DUSP16: variants seen among roughly 807,000 people sequenced by gnomAD.
DUSP16 encodes dual specificity protein phosphatase 16.
DUSP16 carries 21 observed loss-of-function variants against 58.3 expected under a neutral mutation model. That is an observed-to-expected ratio of 0.36 (90% CI 0.26 to 0.52). The LOEUF (loss-of-function observed/expected upper bound fraction) is 0.52. Ranked by LOEUF, DUSP16 falls within the 20% of genes least tolerant of loss-of-function variation. DUSP16 has a pLI of 0.94. For missense variants in DUSP16, 726 were observed against 819.0 expected, an observed-to-expected ratio of 0.89 and a Z score of 1.39; for synonymous variants, 320 against 323.8, an observed-to-expected ratio of 0.99 and a Z score of 0.12.
At chr12:12,542,356 A>G (rs1308327025) in intron 1 of DUSP16, among the ~76,000 whole-genome samples, 2 of 149,300 alleles carry the variant, frequency 1.3e-5, no homozygotes, top group African/African-American at 4.9e-5. Flanking sequence ...CTGGGCAACA[A>G]GAGCGAAACT....
chr12:12,478,265 CCTT>C (rs1943497007), intron 6 of DUSP16, among the ~76,000 whole-genome samples: 2 of 151,938 alleles, frequency 1.3e-5, no homozygotes, highest in African/African-American at 4.8e-5. Context: ...GTTTTTGTCT[CCTT>C]ATTTTCAAAG....
intron 1 of DUSP16, among the ~76,000 whole-genome samples, chr12:12,526,432 C>CGGTG (rs1375730887): frequency 2.6e-5 from 4 of 152,134 alleles, no homozygotes; most frequent in African/African-American, 9.7e-5. Flanking sequence ...TGCACAAATA[C>CGGTG]GGTGTATCAA....
chr12:12,490,821 C>T (rs1943751424), intron 4 of DUSP16, among the ~76,000 whole-genome samples: 1 of 152,178 alleles, frequency 6.6e-6, no homozygotes, highest in South Asian at 2.1e-4. Context: ...ATATATATGG[C>T]AATCTGTCTT....
At chr12:12,520,827 A>G (rs1170859727) in intron 2 of DUSP16, 44 bp downstream of exon 2, 2 of 1,598,670 alleles carry the variant, frequency 1.3e-6, no homozygotes, top group Non-Finnish European at 1.7e-6. Context: ...TTCCTCATTC[A>G]GTGTGTCCAT....
At chr12:12,489,250 A>C (rs922794231) in intron 4 of DUSP16, among the ~76,000 whole-genome samples, 1 of 152,214 alleles carries the variant, frequency 6.6e-6, no homozygotes, top group Non-Finnish European at 1.5e-5. Context: ...TGATGGTCTC[A>C]TGCTTCTGTT....
chr12:12,533,911 G>GT (rs1415730635), intron 1 of DUSP16, among the ~76,000 whole-genome samples: 5 of 152,214 alleles, frequency 3.3e-5, no homozygotes, highest in Non-Finnish European at 5.9e-5. Flanking sequence ...AGATATTGCT[G>GT]TAAGTGTGCC....
At chr12:12,553,433 T>C (rs1271372016) in intron 1 of DUSP16, among the ~76,000 whole-genome samples, 1 of 152,236 alleles carries the variant, frequency 6.6e-6, no homozygotes, top group Non-Finnish European at 1.5e-5. Context: ...GGGTAACTCA[T>C]GTCTTCCAAG....
Position 12,562,635 on chromosome 12 carries a change from A to G in DUSP16, c.-884T>C, listed in dbSNP as rs1944925463. Reference sequence around the variant, plus strand: ...GGAAACTTCAAGCGCGGATGAGGTCATTGGTTTAAAAATAAAGAGATGGCG... The same window carrying G: ...GGAAACTTCAAGCGCGGATGAGGTCGTTGGTTTAAAAATAAAGAGATGGCG... On this transcript the variant is annotated 5_prime_UTR_variant, in exon 1 of 7. It removes an upstream start codon present in the reference 5' UTR. Coordinates refer to ENST00000298573, the MANE Select transcript of DUSP16 (RefSeq NM_030640.3). Among the ~76,000 whole-genome samples, 2 of 152,050 alleles carry G rather than the reference A, an allele frequency of 1.3e-5. No individual in the cohort carries two copies. The highest frequency in any genetic ancestry group is 2.4e-5 in the African/African-American group (1 of 41,430).
At chr12:12,480,170 A>G (rs2136188878) in intron 6 of DUSP16, 53 bp downstream of exon 6, 2 of 1,597,950 alleles carry the variant, frequency 1.3e-6, no homozygotes, top group Middle Eastern at 3.3e-4. Context: ...ATCATTCTTT[A>G]TGTTTCAGGT....
At chr12:12,520,114 A>G (rs1944210754) in intron 2 of DUSP16, 114 bp from the exon 3 acceptor site, 1 of 1,087,632 alleles carries the variant, frequency 9.2e-7, no homozygotes, top group Non-Finnish European at 1.3e-6. Context: ...CCTGTTTTCA[A>G]TTAATAATTT....
intron 4 of DUSP16, among the ~76,000 whole-genome samples, chr12:12,496,363 T>C (rs937967283): frequency 2.0e-5 from 3 of 152,204 alleles, no homozygotes; most frequent in Non-Finnish European, 4.4e-5. Context: ...CTAACTCTTC[T>C]AAGAAAACAA....
intron 4 of DUSP16, among the ~76,000 whole-genome samples, chr12:12,496,508 G>T (rs1240232651): frequency 6.6e-6 from 1 of 152,228 alleles, no homozygotes; most frequent in African/African-American, 2.4e-5. Context: ...TTATTTAAAT[G>T]GAGAAGGAGC....
At chr12:12,489,321 A>C (rs1188432563) in intron 4 of DUSP16, among the ~76,000 whole-genome samples, 5 of 152,220 alleles carry the variant, frequency 3.3e-5, no homozygotes, top group Non-Finnish European at 7.3e-5. Flanking sequence ...AAACTTTTGT[A>C]CATGTAGCAA....
At chr12:12,559,188 T>C (rs1473261030) in intron 1 of DUSP16, among the ~76,000 whole-genome samples, 1 of 152,242 alleles carries the variant, frequency 6.6e-6, no homozygotes, top group Non-Finnish European at 1.5e-5. Context: ...GAATTTATCA[T>C]ATGTAGCTTT....
intron 1 of DUSP16, among the ~76,000 whole-genome samples, chr12:12,524,927 T>A (rs1490632337): frequency 1.3e-5 from 2 of 151,716 alleles, no homozygotes; most frequent in African/African-American, 4.8e-5. Context: ...TACATTTAAA[T>A]AAAAAAAAAC....
At chr12:12,551,895 T>C (rs1944733886) in intron 1 of DUSP16, among the ~76,000 whole-genome samples, 1 of 152,072 alleles carries the variant, frequency 6.6e-6, no homozygotes, top group Admixed American at 6.6e-5. Flanking sequence ...GGTTTCACCA[T>C]GTTGGCCAGG....
chr12:12,520,109 TTTCAA>T (rs1223975607), intron 2 of DUSP16, 109 bp from the exon 3 acceptor site: 33 of 1,103,490 alleles, frequency 3.0e-5, no homozygotes, highest in Admixed American at 2.6e-4. Context: ...TGCTTCCTGT[TTTCAA>T]TTAATAATTT....
intron 3 of DUSP16, among the ~76,000 whole-genome samples, chr12:12,501,228 G>A (rs1242731810): frequency 6.6e-6 from 1 of 152,126 alleles, no homozygotes; most frequent in African/African-American, 2.4e-5. Flanking sequence ...ATCAAGTTCT[G>A]GGGATTCCCT....
chr12:12,495,486 C>T (rs1200556181), intron 4 of DUSP16, among the ~76,000 whole-genome samples: 2 of 152,196 alleles, frequency 1.3e-5, no homozygotes, highest in East Asian at 1.9e-4. Context: ...TTTCCATTCA[C>T]AACTTTTCTC....
Sources: allele counts gnomAD v4.1 joint callset (sites outside exome capture counted in the v4.1 genomes callset), GRCh38; gene constraint gnomAD v4.1.1; transcripts MANE v1.5; gene names NCBI Gene and HGNC (gene_info 2026-07-23, HGNC 2026-07-21).